Variants in GLYATL2 observed in about 807,000 individuals in gnomAD.
The protein encoded by GLYATL2 is glycine-N-acyltransferase like 2.
GLYATL2 carries 25 observed loss-of-function variants against 21.4 expected under a neutral mutation model. That is an observed-to-expected ratio of 1.17 (90% CI 0.85 to 1.63). The LOEUF is 1.63. Ranked by LOEUF, GLYATL2 falls within the 40% of genes most tolerant of loss-of-function variation. The pLI, the probability that GLYATL2 is intolerant of heterozygous loss-of-function variation, is 0.00. For synonymous variants in GLYATL2, 114 were observed against 118.2 expected, an observed-to-expected ratio of 0.96 and a Z score of 0.23; for missense variants, 361 against 343.3, an observed-to-expected ratio of 1.05 and a Z score of -0.41.
rs767619166 is a variant in GLYATL2, at chr11:58,838,299, G to A, written c.148C>T (p.Pro50Ser). ...FNMEVLVDAW[P>S]DYQIVITRPQ... ...CGGGTAATGACGATCTGGTAATCTG[G>A]CCAGGCATCTACCAGCACCTCCATG... The change falls in exon 3 of 6, where the codon CCA (proline) becomes TCA (serine). Residue 50 changes from proline to serine, a missense_variant. Coordinates refer to ENST00000287275, the MANE Select transcript of GLYATL2 (RefSeq NM_145016.4). 6.2e-7 allele frequency: 1 copy of A among 1,613,172 alleles called. No individual in the cohort carries two copies. The highest frequency in any genetic ancestry group is 8.5e-7 in the Non-Finnish European group (1 of 1,179,328).
chr11:58,878,669 C>T (rs1270797749), intron 1 of GLYATL2, among the ~76,000 whole-genome samples: 1 of 152,018 alleles, frequency 6.6e-6, no homozygotes, highest in African/African-American at 2.4e-5. Context: ...TTTCATTTTT[C>T]CTGTGCACCT....
At chr11:58,866,346 G>A (rs1214255323) in intron 1 of GLYATL2, among the ~76,000 whole-genome samples, 3 of 148,720 alleles carry the variant, frequency 2.0e-5, no homozygotes, top group Non-Finnish European at 4.5e-5. Context: ...CTTCCCACCA[G>A]CCACCAGTCA....
intron 1 of GLYATL2, among the ~76,000 whole-genome samples, chr11:58,899,635 C>T (rs4939241): frequency 0.97 from 148,119 of 152,134 alleles, 72,256 homozygotes; most frequent in East Asian, 1. Flanking sequence ...AAAGAAGGAA[C>T]AGAGCCAAGC....
In GLYATL2 at chr11:58,862,833, T is replaced by C. The variant is rs1853955449; in HGVS notation, n.61-24465A>G. ...AGGGTCAGCTATTGGTTATTCTTTT[T>C]TTTTTCTATGGTGGTATCATTTTTC... On this transcript the variant is annotated intron_variant and non_coding_transcript_variant, in intron 1 of 4. Transcript: ENST00000533636. Among the ~76,000 whole-genome samples, 3 of 152,240 alleles carry C rather than the reference T, an allele frequency of 2.0e-5. No individual in the cohort carries two copies. In the South Asian group the frequency reaches 6.2e-4, roughly 32 times the overall value.
chr11:58,883,753 A>G (rs766811510), intron 1 of GLYATL2, among the ~76,000 whole-genome samples: 27 of 152,214 alleles, frequency 1.8e-4, no homozygotes, highest in Non-Finnish European at 3.4e-4. Context: ...AGCCTGGCAG[A>G]GACACAACAA....
rs1450469527 is a variant in GLYATL2 at position 58,867,087 on chromosome 11, G to T, written n.61-28719C>A. Among the ~76,000 whole-genome samples, 5 of 148,996 alleles carry T rather than the reference G, an allele frequency of 3.4e-5. 1 individual carries two copies. The highest frequency in any genetic ancestry group is 3.2e-3 in the Middle Eastern group (1 of 314). On this transcript the variant is annotated intron_variant and non_coding_transcript_variant, in intron 1 of 4. Transcript: ENST00000533636. ...CAGCCTCCCACAGACACTCAGCCAT[G>T]CGGTTCCCATTCCCTGCCATGAGCA...
Position 58,839,548 on chromosome 11 carries a change from G to A in GLYATL2, c.65C>T (p.Pro22Leu), listed in dbSNP as rs200448941. The change falls in exon 2 of 6, where the codon CCT becomes CTT. Residue 22 changes from proline (P) to leucine (L), a missense_variant. Coordinates refer to ENST00000287275, the MANE Select transcript of GLYATL2 (RefSeq NM_145016.4). ...CTACTCCGTTACCTTTATGGATTCA[G>A]GGATGCTCTTTTCTAAGGATTTATA... ...ILYKSLEKSI[P>L]ESIKVYGAIF... 7 of 1,608,958 alleles carry A rather than the reference G, an allele frequency of 4.4e-6. No individual in the cohort carries two copies. The South Asian group carries it at 6.6e-5, about 15-fold the overall frequency.
intron 1 of GLYATL2, among the ~76,000 whole-genome samples, chr11:58,897,862 C>A (rs1565110638): frequency 6.6e-6 from 1 of 152,120 alleles, no homozygotes; most frequent in Non-Finnish European, 1.5e-5. Flanking sequence ...TCTTGTATAG[C>A]CATAGATTAT....
chr11:58,885,390 C>A (rs1404238042), intron 1 of GLYATL2: 1 of 372,788 alleles, frequency 2.7e-6, no homozygotes, highest in Non-Finnish European at 5.3e-6. Context: ...ATCCCCATCT[C>A]TAGGGATCTC....
rs557753390 is a variant in GLYATL2 at position 58,882,675 on chromosome 11, G to C, written n.60+21481C>G. ...CTTGCCCATGCCGATGTCCTGAATGGTACTGCCTAGGTTTTCTTCTAGGGT... is the reference window on the plus strand; with the variant it reads ...CTTGCCCATGCCGATGTCCTGAATGCTACTGCCTAGGTTTTCTTCTAGGGT... On this transcript the variant is annotated intron_variant and non_coding_transcript_variant, in intron 1 of 4. Coordinates refer to the GLYATL2 transcript ENST00000533636. 7.9e-4 allele frequency among the ~76,000 whole-genome samples: 120 copies of C among 152,290 alleles called. 1 individual carries two copies. The highest frequency in any genetic ancestry group is 3.5e-3 in the South Asian group (17 of 4,826).
intron 1 of GLYATL2, among the ~76,000 whole-genome samples, chr11:58,880,599 T>C (rs976110623): frequency 1.3e-5 from 2 of 152,098 alleles, no homozygotes; most frequent in Admixed American, 6.5e-5. Flanking sequence ...TTTAGTTAAA[T>C]CAGGTGAGAA....
At chr11:58,878,095 A>G (rs1854270936) in intron 1 of GLYATL2, among the ~76,000 whole-genome samples, 1 of 152,162 alleles carries the variant, frequency 6.6e-6, no homozygotes, top group African/African-American at 2.4e-5. Context: ...CTGTTCCTTT[A>G]CATCACTTTA....
chr11:58,841,754 G>A (rs17492557), intron 1 of GLYATL2, among the ~76,000 whole-genome samples: 3,014 of 152,292 alleles, frequency 0.02, 38 homozygotes, highest in South Asian at 0.048. Context: ...GGCTTTGGTA[G>A]CATATTCCAC....
chr11:58,907,428 A>G, upstream of GLYATL2: 1 of 455,836 alleles, frequency 2.2e-6, no homozygotes, highest in Non-Finnish European at 4.4e-6. Context: ...CTTTAATTGC[A>G]TGATGTCTAG....
At chr11:58,841,780 A>G (rs1467896671) in intron 1 of GLYATL2, among the ~76,000 whole-genome samples, 1 of 152,226 alleles carries the variant, frequency 6.6e-6, no homozygotes, top group Non-Finnish European at 1.5e-5. Flanking sequence ...AGAGCAATCA[A>G]CTTCAAGGAA....
intron 1 of GLYATL2, among the ~76,000 whole-genome samples, chr11:58,880,256 C>G (rs967541150): frequency 2.0e-5 from 3 of 152,112 alleles, no homozygotes; most frequent in Non-Finnish European, 4.4e-5. Flanking sequence ...GGGTAGAGAA[C>G]ACTTTTATTT....
intron 1 of GLYATL2, among the ~76,000 whole-genome samples, chr11:58,850,556 G>A (rs193178492): frequency 1.3e-5 from 2 of 152,054 alleles, no homozygotes; most frequent in East Asian, 1.9e-4. Flanking sequence ...AGCTGAAGGG[G>A]CATGGTGAGA....
intron 1 of GLYATL2, among the ~76,000 whole-genome samples, chr11:58,881,537 G>A (rs1034865436): frequency 1.3e-5 from 2 of 152,040 alleles, no homozygotes; most frequent in Non-Finnish European, 1.5e-5. Context: ...AAGAAAATCT[G>A]TGCCAACTCC....
chr11:58,890,843 T>C (rs1314984242), intron 1 of GLYATL2, among the ~76,000 whole-genome samples: 2 of 151,998 alleles, frequency 1.3e-5, no homozygotes, highest in African/African-American at 4.8e-5. Context: ...ACCAGAAGTA[T>C]GTCCCTCTCT....
Sources: gnomAD v4.1 joint callset for allele counts (sites outside exome capture counted in the v4.1 genomes callset) on GRCh38, gnomAD v4.1.1 for gene constraint, MANE v1.5 for transcripts, NCBI Gene and HGNC (gene_info 2026-07-23, HGNC 2026-07-21) for gene names.